The following FARP1 variants were observed in gnomAD, a reference collection of about 807,000 sequenced individuals.
FARP1 encodes FERM, ARHGEF and pleckstrin domain-containing protein 1.
In FARP1, 52 loss-of-function variants were observed where a neutral mutation model predicts 128.8. The ratio of observed to expected loss-of-function variants is 0.40; its 90% CI spans 0.32 to 0.51. FARP1 has a LOEUF of 0.51. Ranked by LOEUF, FARP1 falls within the 20% of genes least tolerant of loss-of-function variation. The pLI is 0.45. For missense variants in FARP1, 1,333 were observed against 1,367.9 expected, an observed-to-expected ratio of 0.97 and a Z score of 0.40; for synonymous variants, 580 against 551.8, an observed-to-expected ratio of 1.05 and a Z score of -0.72.
chr13:98,174,347 G>A (rs9513370), intron 1 of FARP1, among the ~76,000 whole-genome samples: 1 of 152,116 alleles, frequency 6.6e-6, no homozygotes, highest in Admixed American at 6.5e-5. Context: ...GCTGAGTCCA[G>A]TGTCTAGGAA....
chr13:98,154,053 C>A (rs1876322719), intron 1 of FARP1, among the ~76,000 whole-genome samples: 1 of 152,110 alleles, frequency 6.6e-6, no homozygotes, highest in Admixed American at 6.5e-5. Flanking sequence ...CATTTGTAAC[C>A]TTTTGAGACT....
chr13:98,173,868 T>C (rs1200362778), intron 1 of FARP1, among the ~76,000 whole-genome samples: 1 of 152,156 alleles, frequency 6.6e-6, no homozygotes, highest in Non-Finnish European at 1.5e-5. Context: ...CAGGGTGCTG[T>C]GTAAGGTGGT....
intron 1 of FARP1, among the ~76,000 whole-genome samples, chr13:98,170,212 C>G (rs1267349342): frequency 6.6e-6 from 1 of 152,080 alleles, no homozygotes; most frequent in African/African-American, 2.4e-5. Context: ...GATACAGAGT[C>G]TTACTCTGTC....
intron 5 of FARP1, 22 bp from the exon 6 acceptor site, chr13:98,377,799 C>T (rs1889656622): frequency 3.1e-6 from 5 of 1,601,274 alleles, no homozygotes; most frequent in South Asian, 1.1e-5. Context: ...TGCCTGACGC[C>T]CAGCTCTGTT....
chr13:98,230,959 G>A lies in FARP1; in HGVS notation c.171+17546G>A, dbSNP rs146376625. Among the ~76,000 whole-genome samples the A allele has an allele frequency of 4.2e-4, 64 of 152,260 alleles. 3 individuals carry two copies. The East Asian group carries it at 0.012, about 29-fold the overall frequency. ...GGAGCAAAGGCACATCTTACATGGC[G>A]GCAGACAAGAGAAAGTGTACGGGGG... On this transcript the variant is annotated intron_variant, in intron 2 of 26. Coordinates refer to ENST00000319562, the MANE Select transcript of FARP1 (RefSeq NM_005766.4).
chr13:98,370,700 C>G (rs1328123071), intron 5 of FARP1, among the ~76,000 whole-genome samples: 17 of 152,010 alleles, frequency 1.1e-4, no homozygotes, highest in Non-Finnish European at 7.4e-5. Context: ...GTTAGCTGTC[C>G]CATGACCACA....
At position 98,450,747 on chromosome 13, in the gene FARP1, G is replaced by C. The variant is rs150026218; in HGVS notation, c.*2430G>C. On this transcript the variant is annotated 3_prime_UTR_variant, in exon 27 of 27. Coordinates refer to ENST00000319562, the MANE Select transcript of FARP1 (RefSeq NM_005766.4). ...CTACAGACCAGCAGCAGTTGACGCTGAGGCAGGTTCCAGTGGTAGCCCTGG... is the reference window on the plus strand; with the variant it reads ...CTACAGACCAGCAGCAGTTGACGCTCAGGCAGGTTCCAGTGGTAGCCCTGG... The C allele has an allele frequency of 4.3e-4, 66 of 152,418 alleles. No individual in the cohort carries two copies. The highest frequency in any genetic ancestry group is 1.5e-3 in the African/African-American group (62 of 41,584). The allele number at this position is 152,418 out of a possible 1,614,324, so 9.4% of individuals were successfully genotyped here. A position where few individuals can be genotyped will look rare whatever the true frequency, so the allele number is the denominator to read the frequency against.
At chr13:98,153,806 G>A (rs1384617157) in intron 1 of FARP1, among the ~76,000 whole-genome samples, 2 of 151,532 alleles carry the variant, frequency 1.3e-5, no homozygotes, top group African/African-American at 2.4e-5. Context: ...TAGGTGATCC[G>A]CCTGCCTCAG....
intron 2 of FARP1, among the ~76,000 whole-genome samples, chr13:98,317,575 T>C (rs572178637): frequency 6.6e-6 from 1 of 152,376 alleles, no homozygotes; most frequent in East Asian, 1.9e-4. Context: ...TTGGTTGCTA[T>C]CCACTTGTTA....
intron 2 of FARP1, among the ~76,000 whole-genome samples, chr13:98,232,526 A>T (rs895323699): frequency 6.6e-6 from 1 of 152,186 alleles, no homozygotes; most frequent in South Asian, 2.1e-4. Context: ...TCGCATGTCT[A>T]TTGGCCCCAT....
At chr13:98,257,284 T>C (rs1883660734) in intron 2 of FARP1, among the ~76,000 whole-genome samples, 1 of 152,022 alleles carries the variant, frequency 6.6e-6, no homozygotes, top group Non-Finnish European at 1.5e-5. Context: ...TCTGGAAGCT[T>C]TTGGACCTGG....
At chr13:98,318,966 T>TTTTTG (rs1886870616) in intron 2 of FARP1, among the ~76,000 whole-genome samples, 1 of 141,724 alleles carries the variant, frequency 7.1e-6, no homozygotes. Flanking sequence ...TTTTTTTTTT[T>TTTTTG]TTTGTTTGTT....
At chr13:98,274,829 T>A (rs1176931411) in intron 2 of FARP1, among the ~76,000 whole-genome samples, 2 of 152,350 alleles carry the variant, frequency 1.3e-5, no homozygotes, top group Non-Finnish European at 1.5e-5. Flanking sequence ...TTCAAGTAAG[T>A]GAAAACCTCC....
intron 17 of FARP1, among the ~76,000 whole-genome samples, chr13:98,426,956 A>G (rs574797373): frequency 2.0e-5 from 3 of 152,168 alleles, no homozygotes; most frequent in Non-Finnish European, 4.4e-5. Context: ...GAGTTCTCGT[A>G]TTCTTCCGTC....
Position 98,255,505 on chromosome 13 carries a change from A to AC in FARP1, c.171+42092_171+42093insC, listed in dbSNP as rs548142857. Reference sequence around the variant, plus strand: ...AACAGAGTGAGACTTCATCTCAAAAAAAAAACAAAAACAAAAACTAGTGGT... The same window carrying AC: ...AACAGAGTGAGACTTCATCTCAAAAACAAAAACAAAAACAAAAACTAGTGGT... On this transcript the variant is annotated intron_variant, in intron 2 of 26. Coordinates refer to ENST00000319562, the MANE Select transcript of FARP1 (RefSeq NM_005766.4). 2.6e-3 allele frequency among the ~76,000 whole-genome samples: 403 copies of AC among 152,306 alleles called. 2 individuals carry two copies. Among genetic ancestry groups the AC allele is most frequent in the African/African-American group, 9.2e-3 (383 of 41,552 alleles).
At chr13:98,427,705 T>C (rs1891839790) in intron 17 of FARP1, among the ~76,000 whole-genome samples, 1 of 152,008 alleles carries the variant, frequency 6.6e-6, no homozygotes, top group African/African-American at 2.4e-5. Flanking sequence ...ATACACCTGA[T>C]ATCCGCTCCT....
chr13:98,360,090 CTTTTTTTTTTTTTTT>C (rs55859311), intron 3 of FARP1, among the ~76,000 whole-genome samples: 3 of 104,614 alleles, frequency 2.9e-5, no homozygotes, highest in African/African-American at 1.2e-4. Flanking sequence ...GATTGTGTTG[CTTTTTTTTTTTTTTT>C]TTTTTTTTTG....
Position 98,265,412 on chromosome 13 carries a change from C to T in FARP1, c.171+51999C>T, listed in dbSNP as rs868524984. 1.1e-3 allele frequency among the ~76,000 whole-genome samples: 159 copies of T among 146,992 alleles called. 1 individual carries two copies. The highest frequency in any genetic ancestry group is 3.7e-3 in the African/African-American group (148 of 39,738). ...TCGGCTCACTGCAAGCTCCGCCTCC[C>T]GGGTTCACGCCATTCTCCTGCCTCA... On this transcript the variant is annotated intron_variant, in intron 2 of 26. Transcript: ENST00000319562.
intron 3 of FARP1, among the ~76,000 whole-genome samples, chr13:98,355,896 A>G (rs757464008): frequency 2.2e-4 from 34 of 152,094 alleles, no homozygotes; most frequent in Non-Finnish European, 4.4e-4. Flanking sequence ...TTCTAAATCT[A>G]TGGGAGATTT....
Sources: allele counts gnomAD v4.1 joint callset (sites outside exome capture counted in the v4.1 genomes callset), GRCh38; gene constraint gnomAD v4.1.1; transcripts MANE v1.5; gene names NCBI Gene and HGNC (gene_info 2026-07-23, HGNC 2026-07-21).